Variants in SPOCK1 observed in about 807,000 individuals in gnomAD.
The protein encoded by SPOCK1 is testican-1.
SPOCK1 carries 23 observed loss-of-function variants against 55.3 expected under a neutral mutation model. The observed-to-expected ratio is 0.42, with a 90% CI of 0.30 to 0.59. The LOEUF (loss-of-function observed/expected upper bound fraction) is 0.59. Ranked by LOEUF, SPOCK1 falls within the 20% of genes least tolerant of loss-of-function variation. The pLI is 0.22. For synonymous variants in SPOCK1, 226 were observed against 221.0 expected, an observed-to-expected ratio of 1.02 and a Z score of -0.20; for missense variants, 499 against 552.5, an observed-to-expected ratio of 0.90 and a Z score of 0.97.
rs529426051 is a variant in SPOCK1, at chr5:137,331,886, G to C, written c.187-64831C>G. 4.1e-4 allele frequency among the ~76,000 whole-genome samples: 62 copies of C among 152,246 alleles called. 1 individual carries two copies. Among genetic ancestry groups the C allele is most frequent in the African/African-American group, 1.4e-3 (60 of 41,542 alleles). ...TGCCGCAGCACATCCCAGGCAAACA[G>C]AACACTCCCCAGACCCATCATTGAC... On this transcript the variant is annotated intron_variant, in intron 2 of 10. Coordinates refer to ENST00000394945, the MANE Select transcript of SPOCK1 (RefSeq NM_004598.4).
chr5:137,203,138 T>A (rs1365058521), intron 3 of SPOCK1, among the ~76,000 whole-genome samples: 1 of 152,196 alleles, frequency 6.6e-6, no homozygotes, highest in Non-Finnish European at 1.5e-5. Flanking sequence ...TTACCTTGGT[T>A]TACCAAGTAA....
intron 2 of SPOCK1, among the ~76,000 whole-genome samples, chr5:137,286,891 A>G (rs1031669648): frequency 3.9e-5 from 6 of 152,222 alleles, no homozygotes; most frequent in Admixed American, 3.9e-4. Context: ...ACTTTAAAGG[A>G]AGAGTTACAC....
intron 3 of SPOCK1, among the ~76,000 whole-genome samples, chr5:137,214,138 T>C (rs1388742677): frequency 6.6e-6 from 1 of 152,126 alleles, no homozygotes; most frequent in Non-Finnish European, 1.5e-5. Flanking sequence ...GTTAACAAAA[T>C]TACTATTACT....
At chr5:136,991,187 T>G (rs1354988098) in intron 7 of SPOCK1, among the ~76,000 whole-genome samples, 1 of 152,038 alleles carries the variant, frequency 6.6e-6, no homozygotes, top group Non-Finnish European at 1.5e-5. Flanking sequence ...CTCACATCAA[T>G]CTGCTTTTGT....
chr5:137,136,213 G>T (rs1753980858), intron 4 of SPOCK1, among the ~76,000 whole-genome samples: 1 of 152,060 alleles, frequency 6.6e-6, no homozygotes, highest in Non-Finnish European at 1.5e-5. Flanking sequence ...CTTCTTCCAA[G>T]ACTTCTAAAA....
intron 2 of SPOCK1, among the ~76,000 whole-genome samples, chr5:137,371,866 G>A (rs771567089): frequency 1.3e-5 from 2 of 152,280 alleles, no homozygotes; most frequent in Non-Finnish European, 1.5e-5. Context: ...CCATGAAGAA[G>A]GAAGGGGCTG....
Position 136,992,578 on chromosome 5 carries a change from C to G in SPOCK1, c.612G>C (p.Arg204=). ...AATCCTTCAGCCGGGAGGCAAGGTT[C>G]CGCAACTCCTTGTCTGTGCAGGCTA... The part of the protein sequence containing the change: ...ERSACTDKEL[R]NLASRLKDWF... The change falls in exon 7 of 11, where the codon CGG becomes CGC. Residue 204 remains arginine, a synonymous_variant. Coordinates refer to ENST00000394945, the MANE Select transcript of SPOCK1 (RefSeq NM_004598.4). 1 of 1,613,858 alleles carries G rather than the reference C, an allele frequency of 6.2e-7. No individual in the cohort carries two copies. Among genetic ancestry groups the G allele is most frequent in the Non-Finnish European group, 8.5e-7 (1 of 1,179,876 alleles).
At chr5:137,165,913 TA>T (rs796832604) in intron 3 of SPOCK1, among the ~76,000 whole-genome samples, 2 of 151,410 alleles carry the variant, frequency 1.3e-5, no homozygotes, top group Admixed American at 6.6e-5. Flanking sequence ...ATAAAAGATC[TA>T]AAAAAAATAG....
intron 3 of SPOCK1, among the ~76,000 whole-genome samples, chr5:137,173,075 G>A (rs1580789819): frequency 6.6e-6 from 1 of 152,042 alleles, no homozygotes; most frequent in East Asian, 1.9e-4. Context: ...GGTGTTAGTG[G>A]GAATGCAGCT....
chr5:137,309,385 C>T (rs1757751800), intron 2 of SPOCK1, among the ~76,000 whole-genome samples: 2 of 152,204 alleles, frequency 1.3e-5, no homozygotes, highest in South Asian at 4.1e-4. Flanking sequence ...TTGGCCGCCC[C>T]AGCCTGGTCT....
intron 2 of SPOCK1, among the ~76,000 whole-genome samples, chr5:137,419,368 T>C (rs1248233136): frequency 6.6e-6 from 1 of 152,200 alleles, no homozygotes; most frequent in Admixed American, 6.5e-5. Flanking sequence ...GGGGATGGCA[T>C]TGAATCTATA....
intron 5 of SPOCK1, among the ~76,000 whole-genome samples, chr5:137,086,851 C>T (rs527392560): frequency 6.6e-6 from 1 of 152,154 alleles, no homozygotes; most frequent in African/African-American, 2.4e-5. Context: ...AGTGCCCTCC[C>T]TTCTACTAAG....
intron 2 of SPOCK1, among the ~76,000 whole-genome samples, chr5:137,446,985 C>T (rs1278241732): frequency 1.3e-5 from 2 of 152,188 alleles, no homozygotes; most frequent in Non-Finnish European, 2.9e-5. Context: ...GATAGAATGT[C>T]CTTGCCTTTA....
rs145531212 is a variant in SPOCK1 at position 136,985,186 on chromosome 5, A to G, written c.945T>C (p.Asn315=). 942 of 1,614,018 alleles carry G rather than the reference A, an allele frequency of 5.8e-4. No homozygotes were observed. The highest frequency in any genetic ancestry group is 7.5e-4 in the Non-Finnish European group (884 of 1,179,972). The change falls in exon 9 of 11, where the codon AAT becomes AAC. Residue 315 remains asparagine (N), a synonymous_variant. Coordinates refer to ENST00000394945, the MANE Select transcript of SPOCK1 (RefSeq NM_004598.4). The stretch of plus-strand genomic sequence containing the variant: ...TCAGCTTCTGAATTCTGTTCATTTC[A>G]TTCTGGCAAGGGAGACCTAAAAAAT... ...FQKPGGLPCQ[N]EMNRIQKLSK... is the part of the protein sequence containing the mutation.
At chr5:137,490,656 T>C (rs930917192) in intron 2 of SPOCK1, among the ~76,000 whole-genome samples, 1 of 152,212 alleles carries the variant, frequency 6.6e-6, no homozygotes, top group East Asian at 1.9e-4. Flanking sequence ...CTTAGTTGCA[T>C]AACGGGGCTC....
intron 3 of SPOCK1, among the ~76,000 whole-genome samples, chr5:137,186,597 T>G (rs979278385): frequency 6.6e-6 from 1 of 152,202 alleles, no homozygotes; most frequent in Non-Finnish European, 1.5e-5. Context: ...ACAGTTATTG[T>G]GTCTTTATGA....
At chr5:137,087,425 A>G (rs1195424993) in intron 5 of SPOCK1, among the ~76,000 whole-genome samples, 1 of 152,274 alleles carries the variant, frequency 6.6e-6, no homozygotes, top group Non-Finnish European at 1.5e-5. Flanking sequence ...TCACAGAAGT[A>G]AAGTGCTTAG....
intron 6 of SPOCK1, among the ~76,000 whole-genome samples, chr5:137,004,094 T>G (rs1751198545): frequency 6.6e-6 from 1 of 152,164 alleles, no homozygotes; most frequent in South Asian, 2.1e-4. Context: ...GACTCTTTCT[T>G]GCAACAAAGG....
At chr5:137,167,148 T>C (rs1754663646) in intron 3 of SPOCK1, among the ~76,000 whole-genome samples, 3 of 151,832 alleles carry the variant, frequency 2.0e-5, no homozygotes, top group Admixed American at 1.3e-4. Context: ...ATGGAAGCCA[T>C]AAAAGAGCAG....
Sources: allele counts gnomAD v4.1 joint callset (sites outside exome capture counted in the v4.1 genomes callset), GRCh38; gene constraint gnomAD v4.1.1; transcripts MANE v1.5; gene names NCBI Gene and HGNC (gene_info 2026-07-23, HGNC 2026-07-21).